The following SLC7A10 variants were observed in gnomAD, a reference collection of about 807,000 sequenced individuals.
SLC7A10 encodes asc-type amino acid transporter 1.
SLC7A10 carries 30 observed loss-of-function variants against 52.7 expected under a neutral mutation model. The ratio of observed to expected loss-of-function variants is 0.57; its 90% CI spans 0.43 to 0.77. SLC7A10 has a LOEUF of 0.77. Ranked by LOEUF, SLC7A10 falls within the 30% of genes least tolerant of loss-of-function variation. The pLI is 0.00. For missense variants in SLC7A10, 581 were observed against 698.5 expected (o/e 0.83, Z 1.90); for synonymous variants, 318 against 314.9 (o/e 1.01, Z -0.10).
intron 2 of SLC7A10, among the ~76,000 whole-genome samples, 186 bp downstream of exon 2, chr19:33,215,583 A>ACCCCCACACCTTGTCTCCATCCAG (rs1974654911): frequency 9.4e-6 from 1 of 106,284 alleles, no homozygotes; most frequent in African/African-American, 3.6e-5. Context: ...GCTGTCCAGC[A>ACCCCCACACCTTGTCTCCATCCAG]CCCCCACACC....
Position 33,210,766 on chromosome 19 carries a change from C to T in SLC7A10, c.1113+36G>A. On this transcript the variant is annotated intron_variant, in intron 8 of 10. Transcript: ENST00000253188. This position sits in a 1 kb window ranked among gnomAD's most constrained non-coding sequence, Gnocchi z 5.6. ...GTCCTGCATTGCCGGGTAGCCCTGC[C>T]TCCACGCCCTGCCTGGCCCAGGTCC... The T allele has an allele frequency of 6.2e-7, 1 of 1,611,612 alleles. No individual in the cohort carries two copies. The highest frequency in any genetic ancestry group is 1.1e-5 in the South Asian group (1 of 91,052).
At chr19:33,217,313 C>T (rs1413326658) in intron 1 of SLC7A10, among the ~76,000 whole-genome samples, 1 of 152,182 alleles carries the variant, frequency 6.6e-6, no homozygotes, top group African/African-American at 2.4e-5. Context: ...TGCCCAGCCC[C>T]TCTGCTTTCT....
At chr19:33,214,353 T>A (rs73041451) in intron 2 of SLC7A10, among the ~76,000 whole-genome samples, 1 of 152,062 alleles carries the variant, frequency 6.6e-6, no homozygotes, top group Non-Finnish European at 1.5e-5. Context: ...CCCCAGACCA[T>A]CTAGGAGCCT....
chr19:33,213,470 A>T (rs553734920), intron 2 of SLC7A10, among the ~76,000 whole-genome samples: 2 of 152,034 alleles, frequency 1.3e-5, no homozygotes, highest in South Asian at 4.2e-4. Flanking sequence ...TTGTATTTTT[A>T]GTAGAGACGG....
chr19:33,211,640 C>T (rs1449643452), intron 5 of SLC7A10, 103 bp from the exon 6 acceptor site: 2 of 1,594,046 alleles, frequency 1.3e-6, no homozygotes, highest in Middle Eastern at 1.7e-4. Context: ...CTTGTGTCTG[C>T]TGGGGATGTT....
At chr19:33,214,368 G>A (rs566153602) in intron 2 of SLC7A10, among the ~76,000 whole-genome samples, 63 of 152,260 alleles carry the variant, frequency 4.1e-4, no homozygotes, top group African/African-American at 1.4e-3. Flanking sequence ...GAGCCTCTCA[G>A]TAGGGAAGTG....
intron 1 of SLC7A10, among the ~76,000 whole-genome samples, chr19:33,225,177 T>C (rs1166862297): frequency 1.3e-5 from 2 of 152,222 alleles, no homozygotes; most frequent in African/African-American, 2.4e-5. Flanking sequence ...TGCCGCAGCC[T>C]GACCAGCCCC....
intron 1 of SLC7A10, among the ~76,000 whole-genome samples, chr19:33,216,461 G>A (rs1207285861): frequency 1.3e-5 from 2 of 152,186 alleles, no homozygotes; most frequent in African/African-American, 4.8e-5. Flanking sequence ...CCCTAACACA[G>A]GACTTCAACC....
At chr19:33,217,043 T>G (rs1472364809) in intron 1 of SLC7A10, among the ~76,000 whole-genome samples, 1 of 152,016 alleles carries the variant, frequency 6.6e-6, no homozygotes, top group Non-Finnish European at 1.5e-5. Context: ...CAGGTTTTTT[T>G]TTTTTTTACT....
intron 5 of SLC7A10, chr19:33,211,809 A>G (rs1434270470): frequency 1.8e-6 from 1 of 550,640 alleles, no homozygotes; most frequent in Admixed American, 3.2e-5. Context: ...GAAAGATAAA[A>G]TCGCATACAG....
intron 1 of SLC7A10, among the ~76,000 whole-genome samples, 181 bp downstream of exon 1, chr19:33,225,372 C>A (rs918211929): frequency 1.3e-5 from 2 of 152,216 alleles, no homozygotes; most frequent in Non-Finnish European, 2.9e-5. Context: ...GAACACGGAG[C>A]TTTGGCACCC....
intron 2 of SLC7A10, among the ~76,000 whole-genome samples, chr19:33,215,454 G>T (rs1373712499): frequency 6.6e-6 from 1 of 152,070 alleles, no homozygotes; most frequent in Non-Finnish European, 1.5e-5. Context: ...CAGGGGGTGG[G>T]GTTCAGAGGG....
intron 5 of SLC7A10, chr19:33,212,023 T>C: frequency 1.7e-6 from 1 of 575,232 alleles, no homozygotes; most frequent in South Asian, 2.0e-5. Context: ...CAAATGCAAA[T>C]CTCTGGATCT....
In SLC7A10 at chr19:33,208,799, CAG is replaced by C; in HGVS notation, c.*90_*91del. ...AGTCGTATCTTTTTTCTTTTTTTTC[CAG>C]AAAAAAACAAAACAAAACTTTTTTG... On this transcript the variant is annotated 3_prime_UTR_variant, in exon 11 of 11. Transcript: ENST00000253188. The surrounding 1 kb of genome is among the most constrained non-coding windows in gnomAD (Gnocchi z 4.7). The C allele has an allele frequency of 6.4e-7, 1 of 1,556,520 alleles. No homozygotes were observed. The highest frequency in any genetic ancestry group is 8.8e-7 in the Non-Finnish European group (1 of 1,140,082).
At chr19:33,221,438 C>T (rs149770360) in intron 1 of SLC7A10, among the ~76,000 whole-genome samples, 66 of 152,256 alleles carry the variant, frequency 4.3e-4, no homozygotes, top group African/African-American at 1.4e-3. Flanking sequence ...ACTGACAGGT[C>T]CCCGAAATTA....
Position 33,209,370 on chromosome 19 carries a change from AC to A in SLC7A10, c.1378del (p.Val460CysfsTer24). 1 of 1,613,920 alleles carries A rather than the reference AC, an allele frequency of 6.2e-7. No individual in the cohort carries two copies. The highest frequency in any genetic ancestry group is 8.5e-7 in the Non-Finnish European group (1 of 1,179,984). On this transcript the variant is annotated frameshift_variant, in exon 10 of 11. Coordinates refer to ENST00000253188, the MANE Select transcript of SLC7A10 (RefSeq NM_019849.3). LOFTEE classifies it high-confidence loss of function. ...GAACACTCCCAGAAAGAAAATGGGC[AC>A]CCCCGTAAGGATGATGATGACGCCG... ...GVGVIIILTG[V>X]PIFFLGVFWR...
chr19:33,211,149 T>G (rs530892259), intron 7 of SLC7A10, 76 bp downstream of exon 7: 1 of 1,419,924 alleles, frequency 7.0e-7, no homozygotes, highest in East Asian at 2.3e-5. Flanking sequence ...TCCCTTCCTC[T>G]GGCCCACGGC....
In SLC7A10 at chr19:33,210,983, A is replaced by T. The variant is rs554212603; in HGVS notation, c.1017-85T>A. ...TGTCCCTCTTAAGCTGTCGCCTCTG[A>T]CCTCCTGCTCCGGGCCCAGCAGCCC... is the stretch of plus-strand genomic sequence containing the variant. On this transcript the variant is annotated intron_variant, in intron 7 of 10. Coordinates refer to ENST00000253188, the MANE Select transcript of SLC7A10 (RefSeq NM_019849.3). The surrounding 1 kb of genome is among the most constrained non-coding windows in gnomAD (Gnocchi z 5.6). 98 of 1,339,706 alleles carry T rather than the reference A, an allele frequency of 7.3e-5. 2 individuals are homozygous for T. The South Asian group carries it at 1.1e-3, about 16-fold the overall frequency. The allele number at this position is 1,339,706 out of a possible 1,614,324, so 83.0% of individuals were successfully genotyped here.
rs773102136 is a variant in SLC7A10, at chr19:33,211,447, G to A, written c.879C>T (p.Pro293=). 1 of 1,614,108 alleles carries A rather than the reference G, an allele frequency of 6.2e-7. No individual in the cohort carries two copies. Among genetic ancestry groups the A allele is most frequent in the South Asian group, 1.1e-5 (1 of 91,082 alleles). ...TNIAYFTAMS[P]QELLSSNAVA... ...CCGCATTGGAGGAGAGCAGCTCCTG[G>A]GGGGACATGGCCGTGAAGTAGGCAA... The change falls in exon 6 of 11, where the codon CCC becomes CCT. Residue 293 remains proline, a synonymous_variant. Transcript: ENST00000253188.
Sources: allele counts gnomAD v4.1 joint callset (sites outside exome capture counted in the v4.1 genomes callset), GRCh38; gene constraint gnomAD v4.1.1; non-coding constraint Gnocchi (gnomAD v3.1); transcripts MANE v1.5; gene names NCBI Gene and HGNC (gene_info 2026-07-23, HGNC 2026-07-21).